CEP63: variants seen among roughly 807,000 people sequenced by gnomAD.
CEP63 encodes the protein centrosomal protein of 63 kDa.
In CEP63, 84 loss-of-function variants were observed where a neutral mutation model predicts 89.1. That is an observed-to-expected ratio of 0.94 (90% CI 0.79 to 1.13). The LOEUF is 1.13. CEP63 is among the 50% of genes most tolerant of loss of function. The pLI is 0.00. For synonymous variants in CEP63, 267 were observed against 272.5 expected (o/e 0.98, Z 0.20); for missense variants, 838 against 813.3 (o/e 1.03, Z -0.37).
chr3:134,617,143 G>A, the CEP63 span, among the ~76,000 whole-genome samples: 1 of 152,134 alleles, frequency 6.6e-6, no homozygotes, highest in Non-Finnish European at 1.5e-5. Flanking sequence ...TTCAAATCTG[G>A]CATTCCTTCT....
chr3:134,758,986 C>CA, the CEP63 span, among the ~76,000 whole-genome samples: 1 of 152,100 alleles, frequency 6.6e-6, no homozygotes, highest in African/African-American at 2.4e-5. Flanking sequence ...AAAAGGGAGG[C>CA]AGGAAGGTCA....
intron 3 of CEP63, among the ~76,000 whole-genome samples, chr3:134,524,572 TGA>T (rs1948233170): frequency 6.6e-6 from 1 of 152,180 alleles, no homozygotes; most frequent in South Asian, 2.1e-4. Flanking sequence ...CCTAGTTTAT[TGA>T]GAGTTTTTAA....
chr3:134,490,050 G>A (rs763657933), intron 1 of CEP63, among the ~76,000 whole-genome samples: 2 of 152,040 alleles, frequency 1.3e-5, no homozygotes, highest in Admixed American at 6.6e-5. Flanking sequence ...TCTTCAAGGA[G>A]CCGTGGTTCT....
chr3:134,676,671 G>A, the CEP63 span, among the ~76,000 whole-genome samples: 1 of 152,188 alleles, frequency 6.6e-6, no homozygotes, highest in South Asian at 2.1e-4. Context: ...TTGAGGACAG[G>A]AGATGGAGAA....
chr3:134,661,355 TCC>T, the CEP63 span, among the ~76,000 whole-genome samples: 1 of 152,216 alleles, frequency 6.6e-6, no homozygotes, highest in Non-Finnish European at 1.5e-5. Flanking sequence ...ATATGCTTTG[TCC>T]ATTCACCCAT....
the CEP63 span, among the ~76,000 whole-genome samples, chr3:134,723,676 G>C: frequency 1.3e-5 from 2 of 152,206 alleles, no homozygotes; most frequent in Non-Finnish European, 2.9e-5. Context: ...GAACTAGTGG[G>C]AAGAGCTTTG....
At chr3:134,537,416 A>C in intron 6 of CEP63, 148 bp downstream of exon 6, 1 of 665,528 alleles carries the variant, frequency 1.5e-6, no homozygotes, top group Non-Finnish European at 2.8e-6. Context: ...TCTCCTCAGC[A>C]TCTAGACTCA....
the CEP63 span, chr3:134,604,005 C>G: frequency 6.2e-7 from 1 of 1,613,902 alleles, no homozygotes. Flanking sequence ...TCAGCTCGGT[C>G]TGCTTCTCCC....
the CEP63 span, among the ~76,000 whole-genome samples, chr3:134,642,488 G>A: frequency 2.6e-5 from 4 of 151,814 alleles, no homozygotes; most frequent in South Asian, 8.4e-4. Context: ...CCATTGCTGT[G>A]GGGCCCTCCT....
chr3:134,700,737 G>A, the CEP63 span, among the ~76,000 whole-genome samples: 2 of 152,178 alleles, frequency 1.3e-5, no homozygotes, highest in African/African-American at 4.8e-5. Context: ...GGATGGGGAG[G>A]GAGATGAAGG....
chr3:134,637,427 A>C, the CEP63 span, among the ~76,000 whole-genome samples: 1 of 152,188 alleles, frequency 6.6e-6, no homozygotes, highest in African/African-American at 2.4e-5. Flanking sequence ...TGAATTGAGA[A>C]ACATGTTCAC....
the CEP63 span, among the ~76,000 whole-genome samples, chr3:134,778,261 C>T: frequency 4.0e-5 from 6 of 151,054 alleles, no homozygotes; most frequent in Non-Finnish European, 8.9e-5. Flanking sequence ...CCACACCCCA[C>T]TATTTTTGTA....
In CEP63 at chr3:134,564,512, C is replaced by T. The variant is rs1361706311; in HGVS notation, c.*2977C>T. The stretch of plus-strand genomic sequence containing the variant: ...GATTTCTGTCTTTCAGGGGCTAAGT[C>T]CTGCCTACATCCTCAGTCAGCATGC... On this transcript the variant is annotated 3_prime_UTR_variant, in exon 15 of 15. Transcript: ENST00000675561. 3.0e-6 allele frequency: 3 copies of T among 985,312 alleles called. No homozygotes were observed. Among genetic ancestry groups the T allele is most frequent in the African/African-American group, 1.7e-5 (1 of 57,228 alleles). 61.0% of individuals were successfully genotyped at this position (985,312 alleles called of 1,614,324 possible). A position where few individuals can be genotyped will look rare whatever the true frequency, so the allele number is the denominator to read the frequency against.
chr3:134,521,276 C>A (rs1280732682), intron 3 of CEP63, among the ~76,000 whole-genome samples: 1 of 152,120 alleles, frequency 6.6e-6, no homozygotes, highest in Non-Finnish European at 1.5e-5. Context: ...TACTAAGTTA[C>A]TATAGGGGTA....
At chr3:134,569,718 C>T (rs1957938671), downstream of CEP63, among the ~76,000 whole-genome samples, 1 of 152,220 alleles carries the variant, frequency 6.6e-6, no homozygotes, top group Non-Finnish European at 1.5e-5. Context: ...CAATGGCCCT[C>T]TTCTCACAGT....
At chr3:134,736,328 A>G in the CEP63 span, among the ~76,000 whole-genome samples, 1 of 152,158 alleles carries the variant, frequency 6.6e-6, no homozygotes, top group African/African-American at 2.4e-5. Flanking sequence ...CTTTTATTTA[A>G]CATTTTACAA....
At chr3:134,510,380 C>T (rs1458403465) in intron 3 of CEP63, among the ~76,000 whole-genome samples, 1 of 152,218 alleles carries the variant, frequency 6.6e-6, no homozygotes, top group Non-Finnish European at 1.5e-5. Context: ...ATGTCATAGT[C>T]TAACACCTGC....
At chr3:134,557,133 G>A (rs1159407872) in intron 12 of CEP63, among the ~76,000 whole-genome samples, 1 of 152,006 alleles carries the variant, frequency 6.6e-6, no homozygotes, top group Admixed American at 6.5e-5. Context: ...AATAATGAAA[G>A]CAACAGCTCT....
At chr3:134,746,159 A>C in the CEP63 span, among the ~76,000 whole-genome samples, 1 of 151,072 alleles carries the variant, frequency 6.6e-6, no homozygotes, top group Non-Finnish European at 1.5e-5. Context: ...TATGAGTGAG[A>C]ACATGTGGTG....
Sources: allele counts gnomAD v4.1 joint callset (sites outside exome capture counted in the v4.1 genomes callset), GRCh38; gene constraint gnomAD v4.1.1; transcripts MANE v1.5; gene names NCBI Gene and HGNC (gene_info 2026-07-23, HGNC 2026-07-21).